The following CALD1 variants were observed in gnomAD, a reference collection of about 807,000 sequenced individuals.
CALD1 encodes caldesmon.
In CALD1, 33 loss-of-function variants were observed where a neutral mutation model predicts 99.9. That is an observed-to-expected ratio of 0.33 (90% confidence interval 0.25 to 0.44). CALD1 has a LOEUF of 0.44. CALD1 is among the 20% of genes least tolerant of loss of function. CALD1 has a pLI of 1.00. For synonymous variants in CALD1, 310 were observed against 325.0 expected (o/e 0.95, Z 0.50); for missense variants, 861 against 962.1 (o/e 0.89, Z 1.39).
intron 1 of CALD1, among the ~76,000 whole-genome samples, chr7:134,772,007 T>C (rs1312322835): frequency 6.6e-6 from 1 of 152,104 alleles, no homozygotes; most frequent in Non-Finnish European, 1.5e-5. Context: ...TCAAAATGTA[T>C]CTTGTTCACA....
At chr7:134,800,775 T>A (rs1240990877) in intron 1 of CALD1, among the ~76,000 whole-genome samples, 1 of 151,996 alleles carries the variant, frequency 6.6e-6, no homozygotes, top group Non-Finnish European at 1.5e-5. Context: ...AACAATATAT[T>A]AGTCACATTT....
At chr7:134,947,849 C>T in intron 8 of CALD1, 80 bp downstream of exon 8, 1 of 1,493,274 alleles carries the variant, frequency 6.7e-7, no homozygotes, top group Non-Finnish European at 9.0e-7. Context: ...TGAGCATGGG[C>T]TCTCAAAAAT....
At chr7:134,745,411 G>A (rs182032678) in intron 1 of CALD1, 2 of 152,238 alleles carry the variant, frequency 1.3e-5, no homozygotes, top group African/African-American at 4.8e-5. Flanking sequence ...ATTGGGTGGG[G>A]CCAGTTAAGT....
chr7:134,856,485 T>C (rs1308194582), intron 2 of CALD1, among the ~76,000 whole-genome samples: 2 of 152,226 alleles, frequency 1.3e-5, no homozygotes, highest in Non-Finnish European at 2.9e-5. Flanking sequence ...AACAGTTTTT[T>C]TAGACTGATG....
chr7:134,753,475 T>G (rs565609783), intron 1 of CALD1, among the ~76,000 whole-genome samples: 3 of 152,262 alleles, frequency 2.0e-5, no homozygotes, highest in Non-Finnish European at 2.9e-5. Context: ...GGAGAATCAC[T>G]TGGGGAGTTT....
intron 1 of CALD1, among the ~76,000 whole-genome samples, chr7:134,827,160 C>A (rs1447874709): frequency 6.6e-6 from 1 of 152,184 alleles, no homozygotes; most frequent in East Asian, 1.9e-4. Flanking sequence ...TAGTTATCTA[C>A]CCTGGGCTTA....
intron 3 of CALD1, among the ~76,000 whole-genome samples, chr7:134,927,330 T>C (rs1805101622): frequency 6.6e-6 from 1 of 151,934 alleles, no homozygotes; most frequent in Non-Finnish European, 1.5e-5. Flanking sequence ...AAAAGCTAAA[T>C]AGAGCTCAGG....
chr7:134,959,722 A>G (rs541225944), intron 11 of CALD1, among the ~76,000 whole-genome samples: 1 of 152,326 alleles, frequency 6.6e-6, no homozygotes, highest in African/African-American at 2.4e-5. Context: ...TATCAATTTC[A>G]CAACAAATGG....
Position 134,950,427 on chromosome 7 carries a change from T to A in CALD1, c.1848T>A (p.Ala616=). The part of the protein sequence containing the change: ...EEIERRRAEA[A]EKRQKMPEDG... ...TTGAAAGGCGAAGAGCAGAAGCTGCTGAGAAACGCCAGAAGATGCCAGAAG... is the reference window on the plus strand; with the variant it reads ...TTGAAAGGCGAAGAGCAGAAGCTGCAGAGAAACGCCAGAAGATGCCAGAAG... The change falls in exon 9 of 15, where the codon GCT becomes GCA. Residue 616 remains alanine, a synonymous_variant. Transcript: ENST00000361675. 1 of 1,614,108 alleles carries A rather than the reference T, an allele frequency of 6.2e-7. No homozygotes were observed. The highest frequency in any genetic ancestry group is 2.2e-5 in the East Asian group (1 of 44,890).
intron 1 of CALD1, among the ~76,000 whole-genome samples, chr7:134,831,415 G>T (rs187886456): frequency 1.5e-3 from 235 of 152,144 alleles, no homozygotes; most frequent in African/African-American, 5.5e-3. Flanking sequence ...CGCCTCCTAG[G>T]TTCAAGAAAT....
intron 4 of CALD1, 59 bp from the exon 5 acceptor site, chr7:134,932,929 A>G: frequency 8.3e-7 from 1 of 1,202,074 alleles, no homozygotes; most frequent in Non-Finnish European, 1.2e-6. Flanking sequence ...AGGCTGTATG[A>G]ATGCTGCTGA....
intron 3 of CALD1, among the ~76,000 whole-genome samples, chr7:134,915,007 T>C (rs1169093854): frequency 1.3e-5 from 2 of 152,220 alleles, no homozygotes; most frequent in African/African-American, 4.8e-5. Flanking sequence ...TCAATAAATA[T>C]CTGTTGAATG....
At chr7:134,944,006 T>A (rs377725341) in intron 7 of CALD1, among the ~76,000 whole-genome samples, 1 of 152,200 alleles carries the variant, frequency 6.6e-6, no homozygotes, top group Admixed American at 6.5e-5. Context: ...GTGGAATCCA[T>A]AGATGTTTCT....
intron 1 of CALD1, among the ~76,000 whole-genome samples, chr7:134,761,371 C>T (rs1398217572): frequency 2.0e-5 from 3 of 152,146 alleles, no homozygotes; most frequent in African/African-American, 4.8e-5. Context: ...TCTGCGGCTG[C>T]TGCTGAAACC....
At chr7:134,960,176 T>A in intron 12 of CALD1, 65 bp downstream of exon 12, 1 of 1,556,260 alleles carries the variant, frequency 6.4e-7, no homozygotes, top group South Asian at 1.1e-5. Flanking sequence ...CGATTTTGAT[T>A]TAGGAATCAC....
chr7:134,869,484 G>A (rs1044700129), intron 3 of CALD1, among the ~76,000 whole-genome samples: 1 of 152,144 alleles, frequency 6.6e-6, no homozygotes, highest in Non-Finnish European at 1.5e-5. Flanking sequence ...CAGTGAGTAT[G>A]GAAATGAAGA....
chr7:134,777,432 T>A (rs1374535472), upstream of CALD1, among the ~76,000 whole-genome samples: 5 of 152,232 alleles, frequency 3.3e-5, no homozygotes, highest in Non-Finnish European at 7.3e-5. Flanking sequence ...TAGCCATTTA[T>A]CTTCTAAAAA....
chr7:134,748,729 A>C (rs1274968884), intron 1 of CALD1, among the ~76,000 whole-genome samples: 14 of 133,954 alleles, frequency 1.0e-4, no homozygotes, highest in Non-Finnish European at 1.7e-4. Flanking sequence ...CCCAAAAAAA[A>C]CCAAAAAAAC....
rs971027117 is a variant in CALD1 at position 134,964,283 on chromosome 7, G to A, written c.2296-1023G>A. On this transcript the variant is annotated intron_variant, in intron 13 of 14. Transcript: ENST00000361675. ...AGTGATTCCAGAGCAAGTTGTTTACGTGGAGGTGAAGAAAACCCTACAGGG... is the reference window on the plus strand; with the variant it reads ...AGTGATTCCAGAGCAAGTTGTTTACATGGAGGTGAAGAAAACCCTACAGGG... Among the ~76,000 whole-genome samples, 3 of 152,178 alleles carry A rather than the reference G, an allele frequency of 2.0e-5. No individual in the cohort carries two copies. In the East Asian group the frequency reaches 5.8e-4, roughly 29 times the overall value.
Sources: allele counts gnomAD v4.1 joint callset (sites outside exome capture counted in the v4.1 genomes callset), GRCh38; gene constraint gnomAD v4.1.1; transcripts MANE v1.5; gene names NCBI Gene and HGNC (gene_info 2026-07-23, HGNC 2026-07-21).